The following CFAP95 variants were observed in gnomAD, a reference collection of about 807,000 sequenced individuals.
CFAP95 encodes cilia and flagella associated protein 95.
chr9:69,891,307 C>T, the CFAP95 span, among the ~76,000 whole-genome samples: 9 of 152,172 alleles, frequency 5.9e-5, no homozygotes, highest in African/African-American at 2.2e-4. Context: ...ATTGAGATTT[C>T]TGTGCTGGTT....
At chr9:69,874,247 A>C in the CFAP95 span, among the ~76,000 whole-genome samples, 2 of 152,168 alleles carry the variant, frequency 1.3e-5, no homozygotes, top group East Asian at 3.8e-4. Context: ...CTAAGTAGTT[A>C]ATTTATAATG....
At chr9:69,852,151 A>G in the CFAP95 span, among the ~76,000 whole-genome samples, 2 of 151,154 alleles carry the variant, frequency 1.3e-5, no homozygotes, top group African/African-American at 4.8e-5. Flanking sequence ...AAAGATAATC[A>G]AGCCTTTGTA....
the CFAP95 span, among the ~76,000 whole-genome samples, chr9:69,827,397 T>C: frequency 6.6e-6 from 1 of 152,218 alleles, no homozygotes; most frequent in Non-Finnish European, 1.5e-5. Context: ...ACTTTTCAAC[T>C]GTTGGTTACT....
At chr9:69,853,700 A>G in the CFAP95 span, among the ~76,000 whole-genome samples, 1 of 152,208 alleles carries the variant, frequency 6.6e-6, no homozygotes, top group African/African-American at 2.4e-5. Flanking sequence ...GTTTGCCTAC[A>G]TGCAACAGAC....
the CFAP95 span, chr9:69,902,246 T>C: frequency 0.1 from 44,964 of 433,176 alleles, 3,127 homozygotes; most frequent in African/African-American, 0.25. Context: ...CTCACAATTC[T>C]CTTGACAGGT....
chr9:69,895,119 T>C, the CFAP95 span, among the ~76,000 whole-genome samples: 2,890 of 152,328 alleles, frequency 0.019, 46 homozygotes, highest in Non-Finnish European at 0.026. Flanking sequence ...GTGGAGGTCT[T>C]TTGTAAATGT....
the CFAP95 span, among the ~76,000 whole-genome samples, chr9:69,848,362 T>C: frequency 1.3e-5 from 2 of 151,552 alleles, no homozygotes; most frequent in Admixed American, 6.6e-5. Context: ...GAAGGAGAGA[T>C]GGGAGGGCAT....
the CFAP95 span, among the ~76,000 whole-genome samples, chr9:69,888,958 A>G: frequency 0.011 from 1,632 of 152,340 alleles, 29 homozygotes; most frequent in African/African-American, 0.037. Flanking sequence ...GAAACTAGCA[A>G]TAAAATTCAT....
the CFAP95 span, among the ~76,000 whole-genome samples, chr9:69,897,889 TG>T: frequency 6.6e-6 from 1 of 152,194 alleles, no homozygotes; most frequent in East Asian, 1.9e-4. Context: ...TGCCTTGCCA[TG>T]ATCTGAGGAA....
the CFAP95 span, among the ~76,000 whole-genome samples, chr9:69,836,298 AC>A: frequency 6.6e-6 from 1 of 150,668 alleles, no homozygotes; most frequent in Non-Finnish European, 1.5e-5. Context: ...GGCTTTCTCA[AC>A]CTTGGTACTA....
At chr9:69,905,875 A>G in the CFAP95 span, 4 of 1,067,036 alleles carry the variant, frequency 3.7e-6, no homozygotes, top group South Asian at 2.8e-5. Context: ...AGAATAATAT[A>G]TGAAAAATAA....
At chr9:69,870,988 G>A in the CFAP95 span, among the ~76,000 whole-genome samples, 1 of 152,058 alleles carries the variant, frequency 6.6e-6, no homozygotes, top group Non-Finnish European at 1.5e-5. Flanking sequence ...GGAGGCTGAG[G>A]CGGGAGGATC....
At chr9:69,887,920 G>C in the CFAP95 span, among the ~76,000 whole-genome samples, 2 of 152,192 alleles carry the variant, frequency 1.3e-5, no homozygotes, top group Non-Finnish European at 2.9e-5. Flanking sequence ...AATCAGCTTA[G>C]CAGAGCCTGG....
chr9:69,884,992 C>T, the CFAP95 span: 1 of 152,188 alleles, frequency 6.6e-6, no homozygotes, highest in South Asian at 2.1e-4. Context: ...GGTCCCACCC[C>T]TAGAGTTTCT....
the CFAP95 span, among the ~76,000 whole-genome samples, chr9:69,849,255 G>A: frequency 1.3e-5 from 2 of 151,942 alleles, no homozygotes; most frequent in Non-Finnish European, 2.9e-5. Context: ...ACAGTGCCTA[G>A]AACATAGTGG....
At chr9:69,887,121 A>G in the CFAP95 span, among the ~76,000 whole-genome samples, 10 of 152,204 alleles carry the variant, frequency 6.6e-5, no homozygotes, top group East Asian at 1.9e-4. Context: ...TATCTAAAGT[A>G]TATTAGACAC....
the CFAP95 span, among the ~76,000 whole-genome samples, chr9:69,865,518 A>G: frequency 6.6e-6 from 1 of 151,896 alleles, no homozygotes; most frequent in Non-Finnish European, 1.5e-5. Context: ...ACTAGGCCAT[A>G]TTATGGATGG....
the CFAP95 span, chr9:69,844,599 C>T: frequency 5.8e-5 from 93 of 1,612,600 alleles, no homozygotes; most frequent in East Asian, 2.5e-4. Context: ...TTCAACATAT[C>T]GGCGACTGGG....
At chr9:69,849,942 T>C in the CFAP95 span, among the ~76,000 whole-genome samples, 1 of 152,196 alleles carries the variant, frequency 6.6e-6, no homozygotes, top group Non-Finnish European at 1.5e-5. Flanking sequence ...CCCAGGTGAA[T>C]TCCATGAAAA....
Sources: allele counts gnomAD v4.1 joint callset (sites outside exome capture counted in the v4.1 genomes callset), GRCh38; gene constraint gnomAD v4.1.1; transcripts MANE v1.5; gene names NCBI Gene and HGNC (gene_info 2026-07-23, HGNC 2026-07-21).